Variants in MYRIP observed in about 807,000 individuals in gnomAD.
MYRIP encodes myosin VIIA and Rab interacting protein.
A neutral mutation model predicts 98.0 loss-of-function variants in MYRIP; 49 were observed. The ratio of observed to expected loss-of-function variants is 0.50; its 90% confidence interval spans 0.40 to 0.63. The LOEUF (loss-of-function observed/expected upper bound fraction) is 0.63, where lower values mean the gene tolerates loss of function less well. Ranked by LOEUF, MYRIP falls within the 30% of genes least tolerant of loss-of-function variation. The probability of loss-of-function intolerance (pLI) is 0.00; values close to 1 mark genes in which losing one functional copy is unlikely to be tolerated. For missense variants in MYRIP, 1,004 were observed against 1,058.2 expected (o/e 0.95, Z 0.71); for synonymous variants, 404 against 409.5 (o/e 0.99, Z 0.16).
chr3:40,190,582 G>C (rs1485591445), intron 10 of MYRIP, 119 bp downstream of exon 10: 1 of 1,449,262 alleles, frequency 6.9e-7, no homozygotes, highest in East Asian at 2.5e-5. Context: ...TTCTCATCTT[G>C]GTTTTGCAGC....
At chr3:40,189,684 G>A (rs1432822106) in intron 9 of MYRIP, 142 bp from the exon 10 acceptor site, 7 of 838,018 alleles carry the variant, frequency 8.4e-6, no homozygotes, top group Admixed American at 2.5e-5. Flanking sequence ...CACCAATTGG[G>A]TTTGCCTTCC....
chr3:39,963,160 G>C (rs139614000), intron 2 of MYRIP, among the ~76,000 whole-genome samples: 2 of 152,052 alleles, frequency 1.3e-5, no homozygotes. Context: ...CCAGTACCAG[G>C]GTATATGGTC....
At chr3:40,135,962 G>C (rs866319157) in intron 3 of MYRIP, among the ~76,000 whole-genome samples, 18 of 152,318 alleles carry the variant, frequency 1.2e-4, no homozygotes, top group Admixed American at 7.2e-4. Flanking sequence ...AGGCTAGGAA[G>C]AAACTGCATG....
At chr3:40,133,386 T>G (rs1279543255) in intron 3 of MYRIP, among the ~76,000 whole-genome samples, 1 of 152,242 alleles carries the variant, frequency 6.6e-6, no homozygotes, top group Non-Finnish European at 1.5e-5. Flanking sequence ...AAAAGTTGTG[T>G]CTGCAGAATG....
rs766775104 is a variant in MYRIP, at chr3:40,212,225, TACACACAC to T, written c.1905+2146_1905+2153del. On this transcript the variant is annotated intron_variant, in intron 11 of 16. Transcript: ENST00000302541. Reference sequence around the variant, plus strand: ...ATATACGTGTGTGTATATATATATATACACACACACACACACACACATATATATATATA... The same window carrying T: ...ATATACGTGTGTGTATATATATATATACACACACACACATATATATATATA... Among the ~76,000 whole-genome samples, 11 of 76,914 alleles carry T rather than the reference TACACACAC, an allele frequency of 1.4e-4. 3 individuals are homozygous for T. The highest frequency in any genetic ancestry group is 2.9e-4 in the East Asian group (1 of 3,440). 50.5% of individuals were successfully genotyped at this position (76,914 alleles called of 152,430 possible). A position where few individuals can be genotyped will look rare whatever the true frequency, so the allele number is the denominator to read the frequency against.
intron 3 of MYRIP, among the ~76,000 whole-genome samples, chr3:40,143,874 G>T (rs1949960237): frequency 6.6e-6 from 1 of 152,156 alleles, no homozygotes; most frequent in Non-Finnish European, 1.5e-5. Context: ...CCACGGATTT[G>T]CTGTAGTCTT....
intron 15 of MYRIP, among the ~76,000 whole-genome samples, chr3:40,251,209 G>T (rs1050553320): frequency 6.6e-6 from 1 of 152,208 alleles, no homozygotes; most frequent in African/African-American, 2.4e-5. Context: ...GGAGGAGAAA[G>T]TCCAAAAATG....
chr3:40,241,644 G>A (rs1167858861), intron 12 of MYRIP, among the ~76,000 whole-genome samples: 1 of 152,082 alleles, frequency 6.6e-6, no homozygotes, highest in Non-Finnish European at 1.5e-5. Flanking sequence ...TCACAAATAG[G>A]TGTTTCATTA....
chr3:40,146,595 G>A (rs1427252736), intron 3 of MYRIP, among the ~76,000 whole-genome samples: 2 of 152,140 alleles, frequency 1.3e-5, no homozygotes, highest in East Asian at 3.8e-4. Context: ...CATCCTCCCT[G>A]TTGAAAAATT....
intron 2 of MYRIP, among the ~76,000 whole-genome samples, chr3:40,020,831 C>G (rs1449672955): frequency 6.6e-6 from 1 of 152,092 alleles, no homozygotes; most frequent in Non-Finnish European, 1.5e-5. Context: ...CCATTGTAGC[C>G]AACACGTTGA....
chr3:39,882,678 G>C (rs1425012955), intron 1 of MYRIP, among the ~76,000 whole-genome samples: 1 of 152,068 alleles, frequency 6.6e-6, no homozygotes, highest in Non-Finnish European at 1.5e-5. Flanking sequence ...GTAAAAGAAC[G>C]TTAATAATAG....
chr3:39,869,643 T>C (rs1324608899), intron 1 of MYRIP, among the ~76,000 whole-genome samples: 1 of 152,236 alleles, frequency 6.6e-6, no homozygotes, highest in Non-Finnish European at 1.5e-5. Context: ...GCAAGTAGTT[T>C]AATCAAGCTG....
upstream of MYRIP, among the ~76,000 whole-genome samples, chr3:39,809,410 G>A (rs1452075251): frequency 2.0e-5 from 3 of 147,946 alleles, no homozygotes; most frequent in African/African-American, 7.4e-5. Flanking sequence ...CTCCCGGCGC[G>A]TGCCGCCCGC....
At chr3:39,968,660 C>T (rs532078118) in intron 2 of MYRIP, among the ~76,000 whole-genome samples, 1 of 152,200 alleles carries the variant, frequency 6.6e-6, no homozygotes, top group Admixed American at 6.5e-5. Context: ...TTTCTGGGCT[C>T]CCTGTTGTTT....
intron 1 of MYRIP, among the ~76,000 whole-genome samples, chr3:39,861,913 A>G (rs1442392501): frequency 6.6e-6 from 1 of 152,248 alleles, no homozygotes; most frequent in Non-Finnish European, 1.5e-5. Flanking sequence ...CTTGGAAAAC[A>G]TATTTCAGGA....
At chr3:39,962,467 TC>T (rs1201458906) in intron 2 of MYRIP, among the ~76,000 whole-genome samples, 27 of 46,438 alleles carry the variant, frequency 5.8e-4, no homozygotes, top group African/African-American at 4.0e-3. Context: ...TTTTTTTTTT[TC>T]CACTTGTTCA....
chr3:39,888,532 G>C (rs1218351804), intron 1 of MYRIP, among the ~76,000 whole-genome samples: 6 of 152,256 alleles, frequency 3.9e-5, no homozygotes, highest in Non-Finnish European at 8.8e-5. Context: ...ATCAATTCAA[G>C]ATGGATTAAA....
At chr3:40,164,927 T>C (rs1211891746) in intron 5 of MYRIP, among the ~76,000 whole-genome samples, 1 of 152,196 alleles carries the variant, frequency 6.6e-6, no homozygotes, top group Non-Finnish European at 1.5e-5. Flanking sequence ...ACCCAATATC[T>C]TGGAAGGTAC....
rs184440072 is a variant in MYRIP, at chr3:39,952,511, A to G, written c.110+51585A>G. On this transcript the variant is annotated intron_variant, in intron 2 of 16. Coordinates refer to ENST00000302541, the MANE Select transcript of MYRIP (RefSeq NM_015460.4). ...TTTCAAATGTTACAAATCCCACTTAATCATGGTGTATAATTTGTATGTATT... is the reference window on the plus strand; with the variant it reads ...TTTCAAATGTTACAAATCCCACTTAGTCATGGTGTATAATTTGTATGTATT... Among the ~76,000 whole-genome samples, 224 of 152,282 alleles carry G rather than the reference A, an allele frequency of 1.5e-3. 3 individuals are homozygous for G. The highest frequency in any genetic ancestry group is 2.7e-3 in the East Asian group (14 of 5,188).
Sources: allele counts gnomAD v4.1 joint callset (sites outside exome capture counted in the v4.1 genomes callset), GRCh38; gene constraint gnomAD v4.1.1; transcripts MANE v1.5; gene names NCBI Gene and HGNC (gene_info 2026-07-23, HGNC 2026-07-21).